The following HACD2 variants were observed in gnomAD, a reference collection of about 807,000 sequenced individuals.
HACD2 encodes very-long-chain (3R)-3-hydroxyacyl-CoA dehydratase 2.
Under a neutral mutation model 31.0 loss-of-function variants are expected in HACD2, and 15 were observed. The observed-to-expected ratio is 0.48, with a 90% confidence interval of 0.32 to 0.75. HACD2 has a LOEUF of 0.75. HACD2 is among the 30% of genes least tolerant of loss of function. The pLI is 0.03. For missense variants in HACD2, 283 were observed against 313.0 expected (o/e 0.90, Z 0.72); for synonymous variants, 115 against 122.2 (o/e 0.94, Z 0.39).
chr3:123,507,821 A>G (rs2055997243), intron 4 of HACD2, among the ~76,000 whole-genome samples: 1 of 152,216 alleles, frequency 6.6e-6, no homozygotes, highest in Non-Finnish European at 1.5e-5. Context: ...ATGGTTGCAC[A>G]GCTTGGTACA....
chr3:123,505,296 C>G (rs2055960770), intron 4 of HACD2, among the ~76,000 whole-genome samples: 1 of 152,096 alleles, frequency 6.6e-6, no homozygotes, highest in Admixed American at 6.5e-5. Context: ...GTATGGAGTT[C>G]CAGTTTGGGA....
chr3:123,547,221 C>T (rs1469994545), intron 3 of HACD2, among the ~76,000 whole-genome samples: 1 of 152,126 alleles, frequency 6.6e-6, no homozygotes, highest in Admixed American at 6.6e-5. Context: ...TTACGCCTTC[C>T]TCCACACAGA....
At chr3:123,533,661 T>A in intron 3 of HACD2, among the ~76,000 whole-genome samples, 1 of 152,330 alleles carries the variant, frequency 6.6e-6, no homozygotes, top group East Asian at 1.9e-4. Context: ...TCAAAAAAGA[T>A]GTACCAGACA....
At chr3:123,533,114 G>C (rs3100791) in intron 3 of HACD2, among the ~76,000 whole-genome samples, 140,156 of 152,246 alleles carry the variant, frequency 0.92, 65,142 homozygotes, top group Non-Finnish European at 0.99. Flanking sequence ...ACCACAAATC[G>C]TTGTAGAATG....
chr3:123,545,486 AAAATAAATAAATAAAT>A (rs138722084), intron 3 of HACD2, among the ~76,000 whole-genome samples: 10 of 112,950 alleles, frequency 8.9e-5, no homozygotes, highest in South Asian at 3.0e-4. Context: ...AGTCTCAGTA[AAAATAAATAAATAAAT>A]AAATAAATAA....
intron 1 of HACD2, 84 bp from the exon 2 acceptor site, chr3:123,582,413 AG>A (rs1486069444): frequency 1.9e-5 from 17 of 878,942 alleles, no homozygotes; most frequent in Admixed American, 3.2e-5. Context: ...TGGCAATAAA[AG>A]ATATTGCTAA....
intron 4 of HACD2, among the ~76,000 whole-genome samples, chr3:123,509,598 A>T (rs1455103848): frequency 6.7e-6 from 1 of 150,176 alleles, no homozygotes; most frequent in Non-Finnish European, 1.5e-5. Context: ...TCCCGGGTTC[A>T]CGCCATTCTC....
At chr3:123,544,926 T>G (rs1011812815) in intron 3 of HACD2, among the ~76,000 whole-genome samples, 1 of 148,556 alleles carries the variant, frequency 6.7e-6, no homozygotes, top group Non-Finnish European at 1.5e-5. Context: ...ATACAAAAAC[T>G]AGCAGCATGT....
chr3:123,571,417 A>G (rs1377038192), intron 2 of HACD2, among the ~76,000 whole-genome samples: 1 of 152,204 alleles, frequency 6.6e-6, no homozygotes, highest in East Asian at 1.9e-4. Flanking sequence ...AGCCCTTTAA[A>G]AGCAGTTTCC....
chr3:123,521,830 T>G (rs1195181494), intron 4 of HACD2, among the ~76,000 whole-genome samples: 1 of 152,176 alleles, frequency 6.6e-6, no homozygotes, highest in African/African-American at 2.4e-5. Flanking sequence ...GGTGGTAACA[T>G]TGGATTCTGT....
intron 3 of HACD2, among the ~76,000 whole-genome samples, chr3:123,533,551 C>A (rs1282479142): frequency 6.6e-6 from 1 of 152,186 alleles, no homozygotes; most frequent in Non-Finnish European, 1.5e-5. Context: ...AAAACCAAAA[C>A]TACAGATATT....
At chr3:123,569,998 A>AG (rs2056836200) in intron 2 of HACD2, among the ~76,000 whole-genome samples, 1 of 50,382 alleles carries the variant, frequency 2.0e-5, no homozygotes, top group Non-Finnish European at 3.4e-5. Context: ...CAAAAAAAAA[A>AG]AAAAAAAAAA....
intron 6 of HACD2, among the ~76,000 whole-genome samples, chr3:123,497,220 T>C (rs757060031): frequency 3.9e-5 from 6 of 152,160 alleles, no homozygotes; most frequent in Non-Finnish European, 8.8e-5. Flanking sequence ...TTTAACAACA[T>C]GAGCTACACT....
chr3:123,545,007 G>A (rs1463770563), intron 3 of HACD2, among the ~76,000 whole-genome samples: 2 of 115,872 alleles, frequency 1.7e-5, no homozygotes, highest in African/African-American at 6.9e-5. Context: ...CCAGGAGGTC[G>A]AAGCTGTAGT....
chr3:123,505,132 A>ACAT (rs1299908606), intron 4 of HACD2, among the ~76,000 whole-genome samples: 1 of 152,258 alleles, frequency 6.6e-6, no homozygotes, highest in Non-Finnish European at 1.5e-5. Context: ...AACCTTGAAG[A>ACAT]CATCATGCTA....
chr3:123,497,872 T>C (rs895581723), intron 6 of HACD2, among the ~76,000 whole-genome samples: 7 of 152,226 alleles, frequency 4.6e-5, no homozygotes, highest in African/African-American at 1.7e-4. Context: ...CTTTATATAA[T>C]ACATGTGTAT....
intron 3 of HACD2, among the ~76,000 whole-genome samples, chr3:123,536,817 G>A (rs1410388586): frequency 6.6e-6 from 1 of 152,178 alleles, no homozygotes; most frequent in Non-Finnish European, 1.5e-5. Flanking sequence ...GTCAAAGAGA[G>A]TATGTTCGAG....
chr3:123,546,977 T>C (rs2251324), intron 3 of HACD2, among the ~76,000 whole-genome samples: 64,166 of 152,026 alleles, frequency 0.42, 16,617 homozygotes, highest in African/African-American at 0.74. Context: ...TAAAAAAATT[T>C]GCTAGTATAT....
At chr3:123,551,569 A>C (rs1047248768) in intron 3 of HACD2, among the ~76,000 whole-genome samples, 1 of 152,112 alleles carries the variant, frequency 6.6e-6, no homozygotes, top group Admixed American at 6.5e-5. Context: ...AGTTGCAGTA[A>C]GCTGAGATTG....
Sources: gnomAD v4.1 joint callset for allele counts (sites outside exome capture counted in the v4.1 genomes callset) on GRCh38, gnomAD v4.1.1 for gene constraint, MANE v1.5 for transcripts, NCBI Gene and HGNC (gene_info 2026-07-23, HGNC 2026-07-21) for gene names.